The following UTRN variants were observed in gnomAD, a reference collection of about 807,000 sequenced individuals.
UTRN encodes the protein dystrophin-related protein 1.
In UTRN, 283 loss-of-function variants were observed where a neutral mutation model predicts 463.9. The observed-to-expected ratio is 0.61, with a 90% confidence interval of 0.55 to 0.67. The LOEUF is 0.67. UTRN is among the 30% of genes least tolerant of loss of function. The probability of loss-of-function intolerance (pLI) is 0.00; values close to 1 mark genes in which losing one functional copy is unlikely to be tolerated. For synonymous variants in UTRN, 1,442 were observed against 1,431.5 expected (o/e 1.01, Z -0.17); for missense variants, 3,922 against 4,084.3 (o/e 0.96, Z 1.08).
chr6:144,561,823 A>G (rs1799952797), intron 50 of UTRN, among the ~76,000 whole-genome samples: 1 of 152,126 alleles, frequency 6.6e-6, no homozygotes, highest in Non-Finnish European at 1.5e-5. Flanking sequence ...AAGATGCCCA[A>G]AGTGTCATCA....
intron 18 of UTRN, among the ~76,000 whole-genome samples, chr6:144,453,435 T>C (rs1245925865): frequency 6.6e-6 from 1 of 152,202 alleles, no homozygotes; most frequent in Non-Finnish European, 1.5e-5. Flanking sequence ...TCCTTTTTTC[T>C]TGTTAGTTAA....
chr6:144,732,214 T>TTTTATA (rs1319415092), intron 54 of UTRN, among the ~76,000 whole-genome samples: 3 of 92,304 alleles, frequency 3.3e-5, no homozygotes, highest in African/African-American at 1.4e-4. Context: ...GTACTCTGTT[T>TTTTATA]TATATATATA....
chr6:144,554,859 G>A lies in UTRN; in HGVS notation c.7100G>A (p.Arg2367Gln), dbSNP rs768513319. 17 of 1,613,742 alleles carry A rather than the reference G, an allele frequency of 1.1e-5. No homozygotes were observed. The highest frequency in any genetic ancestry group is 1.4e-5 in the Non-Finnish European group (16 of 1,179,940). Reference sequence around the variant, plus strand: ...CTCTATATTCTTCAGCAAGCCCGACGGGATCCACTCACCAAACAAATTTCT... The same window carrying A: ...CTCTATATTCTTCAGCAAGCCCGACAGGATCCACTCACCAAACAAATTTCT... Reference protein sequence around the residue: ...ARLYILQQARRDPLTKQISDN... With the variant: ...ARLYILQQARQDPLTKQISDN... Residue 2367 changes from arginine (R) to glutamine (Q), a missense_variant, in exon 49 of 75, where the codon CGG becomes CAG. Arg to Gln is a conservative substitution (Grantham distance 43). Around this residue, in one of 3 missense-constraint regions of UTRN, gnomAD observed 1,309 missense variants for 1,452.6 expected, o/e 0.90. Transcript: ENST00000367545.
At chr6:144,515,795 G>A (rs960567473) in intron 37 of UTRN, among the ~76,000 whole-genome samples, 4 of 152,198 alleles carry the variant, frequency 2.6e-5, no homozygotes, top group Admixed American at 1.3e-4. Context: ...TGACGTTTGT[G>A]TATGAAAATC....
chr6:144,352,722 T>TA (rs939197645), intron 2 of UTRN, among the ~76,000 whole-genome samples: 4 of 152,216 alleles, frequency 2.6e-5, no homozygotes, highest in African/African-American at 9.6e-5. Context: ...CAAATCTAAA[T>TA]AAAAATAAAA....
chr6:144,573,390 A>T (rs1346191272), intron 50 of UTRN, among the ~76,000 whole-genome samples: 3 of 138,970 alleles, frequency 2.2e-5, no homozygotes, highest in African/African-American at 8.6e-5. Flanking sequence ...TATCTCTACT[A>T]AAAAAAAAAA....
chr6:144,441,075 G>A (rs1392137314), intron 13 of UTRN, among the ~76,000 whole-genome samples: 1 of 152,152 alleles, frequency 6.6e-6, no homozygotes, highest in Non-Finnish European at 1.5e-5. Context: ...TTCAAGATGA[G>A]ACTTGGATGG....
intron 3 of UTRN, among the ~76,000 whole-genome samples, chr6:144,410,986 C>T (rs1226672588): frequency 6.6e-6 from 1 of 152,156 alleles, no homozygotes; most frequent in Non-Finnish European, 1.5e-5. Context: ...GGCATTTGGG[C>T]TGGTTCCATG....
chr6:144,463,865 A>G (rs1183293763), intron 23 of UTRN, among the ~76,000 whole-genome samples: 2 of 151,534 alleles, frequency 1.3e-5, no homozygotes, highest in African/African-American at 4.8e-5. Context: ...AAATATGTGT[A>G]GATATATATC....
intron 51 of UTRN, among the ~76,000 whole-genome samples, chr6:144,646,964 C>G (rs969422431): frequency 1.3e-5 from 2 of 152,096 alleles, no homozygotes; most frequent in African/African-American, 4.8e-5. Flanking sequence ...GAAATATAGT[C>G]AAAATAGCTC....
At chr6:144,632,240 A>T (rs993237789) in intron 51 of UTRN, among the ~76,000 whole-genome samples, 1 of 152,162 alleles carries the variant, frequency 6.6e-6, no homozygotes, top group Non-Finnish European at 1.5e-5. Context: ...GTTTTTGGTT[A>T]TTCATATTGT....
At chr6:144,738,932 G>A (rs1021076326) in intron 54 of UTRN, among the ~76,000 whole-genome samples, 1 of 152,102 alleles carries the variant, frequency 6.6e-6, no homozygotes, top group African/African-American at 2.4e-5. Flanking sequence ...GTCTATTTGT[G>A]CATGTATAGT....
intron 2 of UTRN, among the ~76,000 whole-genome samples, chr6:144,373,523 G>A (rs888190481): frequency 5.2e-4 from 79 of 152,346 alleles, no homozygotes; most frequent in African/African-American, 1.9e-3. Flanking sequence ...GAGGCTGGCA[G>A]GGAATGGGGG....
At chr6:144,314,959 CTTATTTAT>C (rs35669873) in intron 2 of UTRN, among the ~76,000 whole-genome samples, 13 of 151,414 alleles carry the variant, frequency 8.6e-5, no homozygotes, top group South Asian at 6.2e-4. Context: ...TATTTTTTTC[CTTATTTAT>C]TTATTTATTT....
intron 58 of UTRN, among the ~76,000 whole-genome samples, chr6:144,766,285 A>G (rs544254867): frequency 2.0e-5 from 3 of 152,318 alleles, no homozygotes; most frequent in South Asian, 2.1e-4. Context: ...ATCTTTAAGA[A>G]GGTGTTACTC....
chr6:144,469,273 A>C (rs879480474), intron 23 of UTRN, among the ~76,000 whole-genome samples: 1 of 152,200 alleles, frequency 6.6e-6, no homozygotes, highest in Non-Finnish European at 1.5e-5. Flanking sequence ...TGGGACATAA[A>C]CACCAAAACT....
chr6:144,714,008 A>G (rs573763154), intron 53 of UTRN, among the ~76,000 whole-genome samples: 4 of 151,952 alleles, frequency 2.6e-5, no homozygotes, highest in South Asian at 4.2e-4. Context: ...TAACATTGAT[A>G]TTTGGTATTC....
intron 43 of UTRN, among the ~76,000 whole-genome samples, chr6:144,533,462 A>G (rs1307489209): frequency 6.6e-6 from 1 of 152,142 alleles, no homozygotes; most frequent in African/African-American, 2.4e-5. Flanking sequence ...CAAATGCTAC[A>G]TATGTAAAAA....
chr6:144,552,241 T>TATAATG (rs2128612324), intron 48 of UTRN, among the ~76,000 whole-genome samples: 1 of 152,300 alleles, frequency 6.6e-6, no homozygotes, highest in African/African-American at 2.4e-5. Context: ...AGCAACAGGG[T>TATAATG]TATTATAGGA....
Sources: gnomAD v4.1 joint callset for allele counts (sites outside exome capture counted in the v4.1 genomes callset) on GRCh38, gnomAD v4.1.1 for gene constraint, gnomAD v4.1.1 regional missense constraint, MANE v1.5 for transcripts, NCBI Gene and HGNC (gene_info 2026-07-23, HGNC 2026-07-21) for gene names.